The following PMS2 variants were observed in gnomAD, a reference collection of about 807,000 sequenced individuals.
PMS2 encodes the protein mismatch repair endonuclease PMS2.
Under a neutral mutation model 90.0 loss-of-function variants are expected in PMS2, and 69 were observed. That is an observed-to-expected ratio of 0.77 (90% CI 0.63 to 0.94). The LOEUF (loss-of-function observed/expected upper bound fraction) is 0.94, where lower values mean the gene tolerates loss of function less well. PMS2 is among the 40% of genes least tolerant of loss of function. The pLI is 0.00. For missense variants in PMS2, 966 were observed against 1,040.2 expected (o/e 0.93, Z 0.98); for synonymous variants, 332 against 375.1 (o/e 0.89, Z 1.33).
intron 12 of PMS2, 114 bp from the exon 13 acceptor site, chr7:5,978,810 C>T: frequency 2.4e-6 from 3 of 1,266,598 alleles, no homozygotes; most frequent in South Asian, 1.3e-5. Context: ...AAAATAACAA[C>T]ACAAATAACA....
At position 5,981,194 on chromosome 7, in the gene PMS2, C is replaced by G. The variant is rs930537474; in HGVS notation, c.2174+1630G>C. The stretch of plus-strand genomic sequence containing the variant: ...GCCGAGGAGAGAGAAATACCAAATT[C>G]TGCAGTGACTATCTTAAAATAATTT... On this transcript the variant is annotated intron_variant, in intron 12 of 14. Coordinates refer to ENST00000265849, the MANE Select transcript of PMS2 (RefSeq NM_000535.7). Among the ~76,000 whole-genome samples, 5 of 151,806 alleles carry G rather than the reference C, an allele frequency of 3.3e-5. No individual in the cohort carries two copies. In the South Asian group the frequency reaches 1.0e-3, roughly 32 times the overall value.
At chr7:5,993,475 A>G (rs1784004475) in intron 8 of PMS2, among the ~76,000 whole-genome samples, 2 of 151,642 alleles carry the variant, frequency 1.3e-5, no homozygotes, top group South Asian at 4.2e-4. Flanking sequence ...CATCATATCA[A>G]GATGATCAAT....
At chr7:5,993,615 C>A (rs1187427374) in intron 8 of PMS2, among the ~76,000 whole-genome samples, 3 of 151,510 alleles carry the variant, frequency 2.0e-5, no homozygotes, top group African/African-American at 7.3e-5. Flanking sequence ...GTAATCCCAG[C>A]ACTTTGGGAG....
In PMS2 at chr7:5,995,512, AAC is replaced by A. The variant is rs746861817; in HGVS notation, c.903+20_903+21del. On this transcript the variant is annotated intron_variant, in intron 8 of 14. Coordinates refer to ENST00000265849, the MANE Select transcript of PMS2 (RefSeq NM_000535.7). ...AAGTCAAAGGCATAAAGAACAAACTAACACAAAAAAATTTTAAATACCTTTGC... is the reference window on the plus strand; with the variant it reads ...AAGTCAAAGGCATAAAGAACAAACTAACAAAAAAATTTTAAATACCTTTGC... 43 of 1,528,448 alleles carry A rather than the reference AAC, an allele frequency of 2.8e-5. 1 individual carries two copies. In the South Asian group the frequency reaches 4.8e-4, roughly 17 times the overall value. The allele number at this position is 1,528,448 out of a possible 1,614,324, so 94.7% of individuals were successfully genotyped here. A position where few individuals can be genotyped will look rare whatever the true frequency, so the allele number is the denominator to read the frequency against.
Position 5,986,780 on chromosome 7 carries a change from T to G in PMS2, c.1985A>C (p.Asp662Ala). 1 of 1,606,572 alleles carries G rather than the reference T, an allele frequency of 6.2e-7. No homozygotes were observed. The highest frequency in any genetic ancestry group is 8.5e-7 in the Non-Finnish European group (1 of 1,178,240). Residue 662 changes from aspartate (D) to alanine (A), a missense_variant, in exon 11 of 15, where the codon GAT (aspartate) becomes GCT (alanine). Asp to Ala is a moderately radical substitution (Grantham distance 126). Coordinates refer to ENST00000265849, the MANE Select transcript of PMS2 (RefSeq NM_000535.7). The part of the protein sequence containing the change: ...ICPGENQAAE[D>A]ELRKEISKTM... The stretch of plus-strand genomic sequence containing the variant: ...TTACCTTATCTCTTTTCTTAGTTCA[T>G]CTTCGGCTGCTTGATTTTCTCCAGG...
intron 5 of PMS2, chr7:6,002,079 A>C (rs1031958731): frequency 4.5e-5 from 10 of 223,610 alleles, no homozygotes; most frequent in Non-Finnish European, 8.9e-5. Context: ...TCCCAGTCTT[A>C]AGTGCAGTGG....
intron 12 of PMS2, among the ~76,000 whole-genome samples, chr7:5,979,214 A>C (rs1241894596): frequency 7.0e-6 from 1 of 143,542 alleles, no homozygotes; most frequent in Non-Finnish European, 1.5e-5. Context: ...AAAAAAAAAA[A>C]AAAAAAAAAC....
At chr7:5,992,411 C>A (rs577499853) in intron 8 of PMS2, among the ~76,000 whole-genome samples, 1 of 151,822 alleles carries the variant, frequency 6.6e-6, no homozygotes, top group Non-Finnish European at 1.5e-5. Flanking sequence ...CCTCTGCCTC[C>A]GGGGCTCAAG....
intron 8 of PMS2, among the ~76,000 whole-genome samples, chr7:5,994,539 C>T (rs144186083): frequency 0.034 from 5,115 of 151,928 alleles, 271 homozygotes; most frequent in African/African-American, 0.12. Context: ...TTTGGGAGGC[C>T]GAGGTGGGCG....
At chr7:5,977,259 G>A (rs1781769660) in intron 14 of PMS2, among the ~76,000 whole-genome samples, 1 of 143,436 alleles carries the variant, frequency 7.0e-6, no homozygotes, top group Non-Finnish European at 1.5e-5. Context: ...CTTTCACCAT[G>A]TTAGCCAGGA....
intron 5 of PMS2, among the ~76,000 whole-genome samples, chr7:6,001,682 A>C (rs1454675259): frequency 6.6e-6 from 1 of 151,998 alleles, no homozygotes; most frequent in Non-Finnish European, 1.5e-5. Flanking sequence ...AAATATTCTT[A>C]TTAAAATATA....
At chr7:5,988,622 T>C (rs1783356391) in intron 10 of PMS2, among the ~76,000 whole-genome samples, 1 of 152,178 alleles carries the variant, frequency 6.6e-6, no homozygotes, top group African/African-American at 2.4e-5. Context: ...AGGATGTTCA[T>C]GACAGCATTC....
intron 14 of PMS2, 52 bp from the exon 15 acceptor site, chr7:5,973,594 A>T: frequency 2.5e-6 from 1 of 399,310 alleles, no homozygotes; most frequent in Non-Finnish European, 4.4e-6. Flanking sequence ...TGACGTCAGA[A>T]TGGCAGCTCT....
chr7:5,991,611 G>A (rs1040454902), intron 9 of PMS2, among the ~76,000 whole-genome samples: 6 of 151,444 alleles, frequency 4.0e-5, no homozygotes, highest in East Asian at 1.9e-4. Context: ...AGGCCAAGAC[G>A]GGCAGATCAC....
In PMS2 at chr7:5,989,833, T is replaced by G. The variant is rs1217473969; in HGVS notation, c.1111A>C (p.Asn371His). The G allele has an allele frequency of 6.2e-7, 1 of 1,613,254 alleles. No individual in the cohort carries two copies. Among genetic ancestry groups the G allele is most frequent in the Non-Finnish European group, 8.5e-7 (1 of 1,179,402 alleles). The change falls in exon 10 of 15, where the codon AAT (asparagine) becomes CAT (histidine). Residue 371 changes from asparagine (N) to histidine (H), a missense_variant. Transcript: ENST00000265849. ...GMFDSDVNKLNVSQQPLLDVE... is the reference protein window; with the variant it reads ...GMFDSDVNKLHVSQQPLLDVE... Reference sequence around the variant, plus strand: ...TCCAGCAGTGGCTGCTGACTGACATTTAGCTTGTTGACATCACTATCAAAC... The same window carrying G: ...TCCAGCAGTGGCTGCTGACTGACATGTAGCTTGTTGACATCACTATCAAAC...
chr7:6,001,748 C>T lies in PMS2; in HGVS notation c.537+705G>A, dbSNP rs1355768711. On this transcript the variant is annotated intron_variant, in intron 5 of 14. Transcript: ENST00000265849. The stretch of plus-strand genomic sequence containing the variant: ...CCTGTAATCCCAGCACTTTGAGAGG[C>T]CAAGGTGGGCAGATCACCTGAGGTC... Among the ~76,000 whole-genome samples, 3 of 151,988 alleles carry T rather than the reference C, an allele frequency of 2.0e-5. No homozygotes were observed. In the East Asian group the frequency reaches 5.8e-4, roughly 30 times the overall value.
chr7:6,003,007 T>C (rs1785275307), intron 4 of PMS2, among the ~76,000 whole-genome samples: 1 of 152,092 alleles, frequency 6.6e-6, no homozygotes, highest in African/African-American at 2.4e-5. Flanking sequence ...AAAATGTATA[T>C]GTAGGGCAGA....
chr7:6,002,701 C>G, intron 4 of PMS2, 65 bp from the exon 5 acceptor site: 1 of 1,197,318 alleles, frequency 8.4e-7, no homozygotes, highest in Non-Finnish European at 1.2e-6. Flanking sequence ...ACTGACTACT[C>G]TTTTCTTCAC....
chr7:6,003,639 CAG>C, intron 4 of PMS2, 49 bp downstream of exon 4: 1 of 921,012 alleles, frequency 1.1e-6, no homozygotes, highest in Non-Finnish European at 1.8e-6. Context: ...AATTAATTTT[CAG>C]AGAGGTTTCT....
Sources: allele counts gnomAD v4.1 joint callset (sites outside exome capture counted in the v4.1 genomes callset), GRCh38; gene constraint gnomAD v4.1.1; transcripts MANE v1.5; gene names NCBI Gene and HGNC (gene_info 2026-07-23, HGNC 2026-07-21).